TMEM150A: variants seen among roughly 807,000 people sequenced by gnomAD.
TMEM150A encodes transmembrane protein 150A.
TMEM150A carries 18 observed loss-of-function variants against 29.8 expected under a neutral mutation model. The observed-to-expected ratio is 0.60, with a 90% CI of 0.42 to 0.90. The LOEUF is 0.90. Ranked by LOEUF, TMEM150A falls within the 40% of genes least tolerant of loss-of-function variation. The probability of loss-of-function intolerance (pLI) is 0.00; values close to 1 mark genes in which losing one functional copy is unlikely to be tolerated. For missense variants in TMEM150A, 251 were observed against 349.7 expected (o/e 0.72, Z 2.25); for synonymous variants, 127 against 143.6 (o/e 0.88, Z 0.83).
chr2:85,600,251 G>A, intron 5 of TMEM150A, 94 bp downstream of exon 5: 1 of 1,457,132 alleles, frequency 6.9e-7, no homozygotes, highest in Non-Finnish European at 9.6e-7. Context: ...CTTAGCCCTT[G>A]GTGGGGAGGG....
In TMEM150A at chr2:85,601,606, G is replaced by C; in HGVS notation, c.66-124C>G. On this transcript the variant is annotated intron_variant, in intron 2 of 7. Coordinates refer to ENST00000334462, the MANE Select transcript of TMEM150A (RefSeq NM_001031738.3). This position sits in a 1 kb window ranked among gnomAD's most constrained non-coding sequence, Gnocchi z 4.0. Reference sequence around the variant, plus strand: ...CTCATTATTGTTGCTGGGGACTCAAGTTGAGGTCCCTAAGGCTTGATGCCA... The same window carrying C: ...CTCATTATTGTTGCTGGGGACTCAACTTGAGGTCCCTAAGGCTTGATGCCA... 3 of 1,156,526 alleles carry C rather than the reference G, an allele frequency of 2.6e-6. No homozygotes were observed. Among genetic ancestry groups the C allele is most frequent in the Admixed American group, 4.2e-5 (2 of 47,164 alleles). The allele number at this position is 1,156,526 out of a possible 1,614,324, so 71.6% of individuals were successfully genotyped here. A position where few individuals can be genotyped will look rare whatever the true frequency, so the allele number is the denominator to read the frequency against.
Position 85,599,075 on chromosome 2 carries a change from C to T in TMEM150A, c.*1G>A. On this transcript the variant is annotated 3_prime_UTR_variant, in exon 8 of 8. Coordinates refer to ENST00000334462, the MANE Select transcript of TMEM150A (RefSeq NM_001031738.3). The surrounding 1 kb of genome is among the most constrained non-coding windows in gnomAD (Gnocchi z 6.0). The stretch of plus-strand genomic sequence containing the variant: ...GCCGGGCCAGCCACCCTCCCCAGAC[C>T]TTAGATCATAGCGATGCTCTCGGGG... 1 of 1,612,956 alleles carries T rather than the reference C, an allele frequency of 6.2e-7. No individual in the cohort carries two copies. Among genetic ancestry groups the T allele is most frequent in the Non-Finnish European group, 8.5e-7 (1 of 1,179,760 alleles).
In TMEM150A at chr2:85,602,307, G is replaced by C; in HGVS notation, c.-116-243C>G. 2 of 212,298 alleles carry C rather than the reference G, an allele frequency of 9.4e-6. No homozygotes were observed. The highest frequency in any genetic ancestry group is 1.3e-4 in the South Asian group (2 of 14,986). The allele number at this position is 212,298 out of a possible 1,614,324, so 13.2% of individuals were successfully genotyped here. A position where few individuals can be genotyped will look rare whatever the true frequency, so the allele number is the denominator to read the frequency against. On this transcript the variant is annotated intron_variant, in intron 1 of 7. Transcript: ENST00000334462. This position sits in a 1 kb window ranked among gnomAD's most constrained non-coding sequence, Gnocchi z 5.6. Reference sequence around the variant, plus strand: ...TGGAAGGGAGTTACCCTCCTTCTGAGGGACCAGGGCTGGGAGAAGGGCTGG... The same window carrying C: ...TGGAAGGGAGTTACCCTCCTTCTGACGGACCAGGGCTGGGAGAAGGGCTGG...
Position 85,600,425 on chromosome 2 carries a change from G to A in TMEM150A, c.201-13C>T, listed in dbSNP as rs1252310964. ...GGAGCCACACTTGCTGCGAGGAGGG[G>A]GAAGGACAGAGTAAGAGGGGTGCAG... On this transcript the variant is annotated splice_polypyrimidine_tract_variant and intron_variant, in intron 4 of 7. Transcript: ENST00000334462. 5 of 1,613,706 alleles carry A rather than the reference G, an allele frequency of 3.1e-6. No individual in the cohort carries two copies. Among genetic ancestry groups the A allele is most frequent in the South Asian group, 1.1e-5 (1 of 91,082 alleles).
At position 85,601,678 on chromosome 2, in the gene TMEM150A, G is replaced by T; in HGVS notation, c.66-196C>A. On this transcript the variant is annotated intron_variant, in intron 2 of 7. Coordinates refer to ENST00000334462, the MANE Select transcript of TMEM150A (RefSeq NM_001031738.3). The surrounding 1 kb of genome is among the most constrained non-coding windows in gnomAD (Gnocchi z 4.0). Reference sequence around the variant, plus strand: ...CCCAGCTACAGGCCCTCTGGAAATTGCCCTGGCTAGAAGTATATTTGTCAG... The same window carrying T: ...CCCAGCTACAGGCCCTCTGGAAATTTCCCTGGCTAGAAGTATATTTGTCAG... The T allele has an allele frequency of 2.3e-6, 2 of 852,712 alleles. No individual in the cohort carries two copies. The highest frequency in any genetic ancestry group is 3.8e-6 in the Non-Finnish European group (2 of 533,212). The allele number at this position is 852,712 out of a possible 1,614,324, so 52.8% of individuals were successfully genotyped here.
chr2:85,600,085 TC>T, intron 5 of TMEM150A, 67 bp from the exon 6 acceptor site: 1 of 1,591,480 alleles, frequency 6.3e-7, no homozygotes, highest in East Asian at 2.3e-5. Flanking sequence ...CCTGTCAGCT[TC>T]CCCCAGACGC....
rs1672808229 is a variant in TMEM150A, at chr2:85,599,531, C to T, written c.568G>A (p.Val190Ile). Residue 190 changes from valine to isoleucine, a missense_variant, in exon 7 of 8, where the codon GTC (valine) becomes ATC (isoleucine). Transcript: ENST00000334462. The surrounding 1 kb of genome is among the most constrained non-coding windows in gnomAD (Gnocchi z 6.0). ...CCCCGTCCTGAAAGGATACTGAGGA[C>T]CAGGGTGATAAAGGCGATGACAGCC... is the stretch of plus-strand genomic sequence containing the variant. ...VLAVIAFITL[V>I]LSGVFFVHES... 6.2e-7 allele frequency: 1 copy of T among 1,611,804 alleles called. No individual in the cohort carries two copies. The highest frequency in any genetic ancestry group is 8.5e-7 in the Non-Finnish European group (1 of 1,178,928).
In TMEM150A at chr2:85,599,882, G is replaced by A. The variant is rs761526760; in HGVS notation, c.396+9C>T. 1 of 1,613,192 alleles carries A rather than the reference G, an allele frequency of 6.2e-7. No homozygotes were observed. Among genetic ancestry groups the A allele is most frequent in the South Asian group, 1.1e-5 (1 of 90,988 alleles). ...AAGTTTAAGGTTTGCAGGGGAGAAGGGGAAGCACCTGAAAGTTGCCAACCA... is the reference window on the plus strand; with the variant it reads ...AAGTTTAAGGTTTGCAGGGGAGAAGAGGAAGCACCTGAAAGTTGCCAACCA... On this transcript the variant is annotated intron_variant, in intron 6 of 7. Coordinates refer to ENST00000334462, the MANE Select transcript of TMEM150A (RefSeq NM_001031738.3). The surrounding 1 kb of genome is among the most constrained non-coding windows in gnomAD (Gnocchi z 6.0).
Position 85,599,158 on chromosome 2 carries a change from G to T in TMEM150A, c.734C>A (p.Pro245His). The T allele has an allele frequency of 6.2e-7, 1 of 1,613,784 alleles. No homozygotes were observed. The highest frequency in any genetic ancestry group is 1.3e-5 in the African/African-American group (1 of 75,010). ...DTLVAALQPTPGRACKSSGSS... is the reference protein window; with the variant it reads ...DTLVAALQPTHGRACKSSGSS... ...CCCGGAGGACTTGCAGGCCCGGCCAGGGGTAGGCTGCAGTGCAGCCACCAG... is the reference window on the plus strand; with the variant it reads ...CCCGGAGGACTTGCAGGCCCGGCCATGGGTAGGCTGCAGTGCAGCCACCAG... The change falls in exon 8 of 8, where the codon CCT becomes CAT. Residue 245 changes from proline (P) to histidine (H), a missense_variant. Pro to His is a moderately conservative substitution (Grantham distance 77). Coordinates refer to ENST00000334462, the MANE Select transcript of TMEM150A (RefSeq NM_001031738.3). The surrounding 1 kb of genome is among the most constrained non-coding windows in gnomAD (Gnocchi z 6.0).
Position 85,599,187 on chromosome 2 carries a change from G to A in TMEM150A, c.705C>T (p.Asp235=). 1 of 1,613,924 alleles carries A rather than the reference G, an allele frequency of 6.2e-7. No individual in the cohort carries two copies. The highest frequency in any genetic ancestry group is 8.5e-7 in the Non-Finnish European group (1 of 1,180,022). ...FSYEFGAVSS[D]TLVAALQPTP... ...TAGGCTGCAGTGCAGCCACCAGTGT[G>A]TCTGAGGAGACTGCCCCAAACTCGT... Residue 235 remains aspartate, a synonymous_variant, in exon 8 of 8, where the codon GAC becomes GAT. Coordinates refer to ENST00000334462, the MANE Select transcript of TMEM150A (RefSeq NM_001031738.3). This position sits in a 1 kb window ranked among gnomAD's most constrained non-coding sequence, Gnocchi z 6.0.
Position 85,601,363 on chromosome 2 carries a change from C to G in TMEM150A, c.113+72G>C. On this transcript the variant is annotated intron_variant, in intron 3 of 7. Coordinates refer to ENST00000334462, the MANE Select transcript of TMEM150A (RefSeq NM_001031738.3). This position sits in a 1 kb window ranked among gnomAD's most constrained non-coding sequence, Gnocchi z 4.0. ...CTCAGGGTTGCAGTCTGGCTCGTGGCAGCCTCAGGCCCAAGAGGGGACAGA... is the reference window on the plus strand; with the variant it reads ...CTCAGGGTTGCAGTCTGGCTCGTGGGAGCCTCAGGCCCAAGAGGGGACAGA... 6.3e-7 allele frequency: 1 copy of G among 1,581,408 alleles called. No individual in the cohort carries two copies. Among genetic ancestry groups the G allele is most frequent in the Admixed American group, 1.7e-5 (1 of 59,992 alleles).
rs753514769 is a variant in TMEM150A, at chr2:85,601,415, G to A, written c.113+20C>T. On this transcript the variant is annotated intron_variant, in intron 3 of 7. Transcript: ENST00000334462. This position sits in a 1 kb window ranked among gnomAD's most constrained non-coding sequence, Gnocchi z 4.0. ...ATGAAGGAAGCTTTAGAGCAAGGTT[G>A]TCTGCAGAGTCCTTCATACCAGTTC... The A allele has an allele frequency of 1.1e-5, 18 of 1,613,754 alleles. No homozygotes were observed. The Admixed American group carries it at 2.8e-4, about 25-fold the overall frequency.
In TMEM150A at chr2:85,599,754, A is replaced by G. The variant is rs1672823644; in HGVS notation, c.397-52T>C. 2.5e-6 allele frequency: 4 copies of G among 1,592,002 alleles called. No individual in the cohort carries two copies. The highest frequency in any genetic ancestry group is 3.4e-6 in the Non-Finnish European group (4 of 1,168,304). On this transcript the variant is annotated intron_variant, in intron 6 of 7. Transcript: ENST00000334462. The surrounding 1 kb of genome is among the most constrained non-coding windows in gnomAD (Gnocchi z 6.0). ...GATGTGGCCATGGCCCCACCTCTCC[A>G]CCCCTCCTTCAATGAATCTCCTCTC...
chr2:85,599,924 G>A lies in TMEM150A; in HGVS notation c.363C>T (p.Asn121=), dbSNP rs781694383. 7.4e-6 allele frequency: 12 copies of A among 1,613,524 alleles called. No homozygotes were observed. The highest frequency in any genetic ancestry group is 4.5e-5 in the East Asian group (2 of 44,874). The change falls in exon 6 of 8, where the codon AAC becomes AAT. Residue 121 remains asparagine (N), a synonymous_variant. Transcript: ENST00000334462. The surrounding 1 kb of genome is among the most constrained non-coding windows in gnomAD (Gnocchi z 6.0). ...TGCCAACCACCAAGAGGCCCGCAGC[G>A]TTGGTGCAGCCTGTGATGAGTGCCG... ...NTTALITGCT[N]AAGLLVVGNF... is the part of the protein sequence containing the mutation.
chr2:85,599,313 T>G lies in TMEM150A; in HGVS notation c.579A>C (p.Gly193=). The G allele has an allele frequency of 6.2e-7, 1 of 1,613,654 alleles. No individual in the cohort carries two copies. The highest frequency in any genetic ancestry group is 8.5e-7 in the Non-Finnish European group (1 of 1,179,830). Residue 193 remains glycine (G), a synonymous_variant, in exon 8 of 8, where the codon GGA becomes GGC. Transcript: ENST00000334462. The surrounding 1 kb of genome is among the most constrained non-coding windows in gnomAD (Gnocchi z 6.0). ...VIAFITLVLS[G]VFFVHESSQL... ...GAGAACTCTCATGGACAAAGAAGACTCCACCTAAAACGAGGCTAAGGAAAT... is the reference window on the plus strand; with the variant it reads ...GAGAACTCTCATGGACAAAGAAGACGCCACCTAAAACGAGGCTAAGGAAAT...
Position 85,599,636 on chromosome 2 carries a change from CAA to C in TMEM150A, c.461_462del (p.Phe154CysfsTer45), listed in dbSNP as rs1368739523. ...TAGGAGAGAGCACAGTGCAGGCAAACAAAGAGCAGCCCCGCAGGGAAGGCCAC... is the reference window on the plus strand; with the variant it reads ...TAGGAGAGAGCACAGTGCAGGCAAACAGAGCAGCCCCGCAGGGAAGGCCAC... ...AGVAFPAGLLFVCLHCALSYQ... is the reference protein window; with the variant it reads ...AGVAFPAGLLXVCLHCALSYQ... On this transcript the variant is annotated frameshift_variant, in exon 7 of 8. Coordinates refer to ENST00000334462, the MANE Select transcript of TMEM150A (RefSeq NM_001031738.3). LOFTEE classifies it high-confidence loss of function. This position sits in a 1 kb window ranked among gnomAD's most constrained non-coding sequence, Gnocchi z 6.0. The C allele has an allele frequency of 1.9e-6, 3 of 1,613,856 alleles. No individual in the cohort carries two copies. Among genetic ancestry groups the C allele is most frequent in the South Asian group, 1.1e-5 (1 of 91,088 alleles).
Position 85,601,349 on chromosome 2 carries a change from A to G in TMEM150A, c.113+86T>C. On this transcript the variant is annotated intron_variant, in intron 3 of 7. Transcript: ENST00000334462. The surrounding 1 kb of genome is among the most constrained non-coding windows in gnomAD (Gnocchi z 4.0). Reference sequence around the variant, plus strand: ...GAAGAGCAGTGAGGCTCAGGGTTGCAGTCTGGCTCGTGGCAGCCTCAGGCC... The same window carrying G: ...GAAGAGCAGTGAGGCTCAGGGTTGCGGTCTGGCTCGTGGCAGCCTCAGGCC... The G allele has an allele frequency of 6.5e-7, 1 of 1,528,330 alleles. No individual in the cohort carries two copies. Among genetic ancestry groups the G allele is most frequent in the African/African-American group, 1.4e-5 (1 of 73,326 alleles). The allele number at this position is 1,528,330 out of a possible 1,614,324, so 94.7% of individuals were successfully genotyped here. A position where few individuals can be genotyped will look rare whatever the true frequency, so the allele number is the denominator to read the frequency against.
intron 5 of TMEM150A, 33 bp from the exon 6 acceptor site, chr2:85,600,051 C>T: frequency 6.2e-7 from 1 of 1,607,596 alleles, no homozygotes; most frequent in South Asian, 1.1e-5. Flanking sequence ...AGGCCTTCCT[C>T]CAGCCCTGGC....
chr2:85,600,098 G>T (rs1346648215), intron 5 of TMEM150A, 80 bp from the exon 6 acceptor site: 1 of 1,572,452 alleles, frequency 6.4e-7, no homozygotes, highest in African/African-American at 1.4e-5. Context: ...CCCAGACGCT[G>T]TGGTGCTCCT....
Sources: gnomAD v4.1 joint callset for allele counts on GRCh38, gnomAD v4.1.1 for gene constraint, Gnocchi (gnomAD v3.1) non-coding constraint, MANE v1.5 for transcripts, NCBI Gene and HGNC (gene_info 2026-07-23, HGNC 2026-07-21) for gene names.